PCDHAC1: variants seen among roughly 807,000 people sequenced by gnomAD.
The protein encoded by PCDHAC1 is protocadherin alpha subfamily C, 1.
In PCDHAC1, 42 loss-of-function variants were observed where a neutral mutation model predicts 60.0. That is an observed-to-expected ratio of 0.70 (90% CI 0.55 to 0.90). PCDHAC1 has a LOEUF of 0.90. Among genes scored for constraint, PCDHAC1 ranks in the 40% least tolerant of loss-of-function variants. The pLI is 0.00. For missense variants in PCDHAC1, 1,160 were observed against 1,222.3 expected, an observed-to-expected ratio of 0.95 and a Z score of 0.76; for synonymous variants, 468 against 499.3, an observed-to-expected ratio of 0.94 and a Z score of 0.84.
chr5:140,927,708 A>G lies in PCDHAC1; in HGVS notation c.816A>G (p.Leu272=). 1 of 1,614,202 alleles carries G rather than the reference A, an allele frequency of 6.2e-7. No homozygotes were observed. The highest frequency in any genetic ancestry group is 8.5e-7 in the Non-Finnish European group (1 of 1,180,024). The change falls in exon 1 of 4, where the codon CTA becomes CTG. Residue 272 remains leucine (L), a synonymous_variant. Transcript: ENST00000253807. ...EGSNGEVQYS[L]SNSTQAELRH... is the part of the protein sequence containing the mutation. ...CCAATGGGGAAGTCCAGTACTCCCT[A>G]AGCAACAGCACGCAAGCAGAGCTGC...
chr5:140,927,092 G>T lies in PCDHAC1; in HGVS notation c.200G>T (p.Gly67Val). The stretch of plus-strand genomic sequence containing the variant: ...TCCAGCCACCGCGAGCTCTACTTCG[G>T]GGTGGATCTACCCAGCGGCAATTTG... Reference protein sequence around the residue: ...FLSSHRELYFGVDLPSGNLVV... With the variant: ...FLSSHRELYFVVDLPSGNLVV... Residue 67 changes from glycine to valine, a missense_variant, in exon 1 of 4, where the codon GGG (glycine) becomes GTG (valine). This residue lies in a region of PCDHAC1 where 1,113 missense variants were observed against 1,163.7 expected (regional missense o/e 0.96). Coordinates refer to ENST00000253807, the MANE Select transcript of PCDHAC1 (RefSeq NM_018898.5). The T allele has an allele frequency of 6.2e-7, 1 of 1,612,746 alleles. No individual in the cohort carries two copies. The highest frequency in any genetic ancestry group is 8.5e-7 in the Non-Finnish European group (1 of 1,179,026).
rs149265547 is a variant in PCDHAC1 at position 140,927,771 on chromosome 5, G to T, written c.879G>T (p.Val293=). Residue 293 remains valine, a synonymous_variant, in exon 1 of 4, where the codon GTG becomes GTT. Coordinates refer to ENST00000253807, the MANE Select transcript of PCDHAC1 (RefSeq NM_018898.5). ...RFHVHPKSGE[V]QVAASLGPPE... Reference sequence around the variant, plus strand: ...ACGTGCACCCTAAAAGTGGGGAGGTGCAAGTAGCTGCTTCACTAGGTCCGC... The same window carrying T: ...ACGTGCACCCTAAAAGTGGGGAGGTTCAAGTAGCTGCTTCACTAGGTCCGC... The T allele has an allele frequency of 4.2e-4, 677 of 1,614,210 alleles. 4 individuals carry two copies. In the African/African-American group the frequency reaches 7.5e-3, roughly 18 times the overall value.
chr5:141,010,446 C>G lies in PCDHAC1; in HGVS notation c.*509C>G, dbSNP rs951181939. 39 of 944,590 alleles carry G rather than the reference C, an allele frequency of 4.1e-5. No homozygotes were observed. Among genetic ancestry groups the G allele is most frequent in the Non-Finnish European group, 5.6e-5 (37 of 656,282 alleles). The allele number at this position is 944,590 out of a possible 1,614,324, so 58.5% of individuals were successfully genotyped here. On this transcript the variant is annotated 3_prime_UTR_variant, in exon 4 of 4. Coordinates refer to ENST00000253807, the MANE Select transcript of PCDHAC1 (RefSeq NM_018898.5). ...AGGCAAGAAAACAAAGACAAATAAA[C>G]AGCGGAAGTTATCAGTATGGAGGGG...
intron 1 of PCDHAC1, among the ~76,000 whole-genome samples, chr5:140,962,688 G>C (rs1433931568): frequency 2.0e-5 from 3 of 152,164 alleles, no homozygotes; most frequent in African/African-American, 7.2e-5. Context: ...TGTTTTATCT[G>C]TAAATAATGC....
chr5:140,936,867 T>TA (rs1471990778), intron 1 of PCDHAC1, among the ~76,000 whole-genome samples: 5 of 152,214 alleles, frequency 3.3e-5, no homozygotes, highest in Admixed American at 2.6e-4. Context: ...GTTTCTATTT[T>TA]AAAAAACCCT....
intron 2 of PCDHAC1, among the ~76,000 whole-genome samples, chr5:140,979,943 T>A (rs2153820467): frequency 6.6e-6 from 1 of 152,364 alleles, no homozygotes; most frequent in Admixed American, 6.5e-5. Context: ...GTAGAGTTAA[T>A]GTGAAATTAG....
chr5:140,948,763 C>T (rs1195337502), intron 1 of PCDHAC1, among the ~76,000 whole-genome samples: 4 of 151,102 alleles, frequency 2.6e-5, no homozygotes, highest in Non-Finnish European at 4.4e-5. Flanking sequence ...TGATTTTTTT[C>T]GAATAGCCAG....
At chr5:140,948,727 T>C (rs2094298087) in intron 1 of PCDHAC1, among the ~76,000 whole-genome samples, 2 of 151,670 alleles carry the variant, frequency 1.3e-5, no homozygotes, top group Admixed American at 1.3e-4. Flanking sequence ...TATCAATAAG[T>C]CTAGCTGAGA....
intron 2 of PCDHAC1, among the ~76,000 whole-genome samples, chr5:140,981,353 C>A (rs551731316): frequency 6.6e-6 from 1 of 152,166 alleles, no homozygotes; most frequent in South Asian, 2.1e-4. Context: ...GCAGGTGGAT[C>A]ACTTGAGGTC....
intron 1 of PCDHAC1, chr5:140,968,917 T>G: frequency 6.2e-7 from 1 of 1,614,216 alleles, no homozygotes; most frequent in Non-Finnish European, 8.5e-7. Flanking sequence ...CAGTGTCTTT[T>G]ATATTTCTTT....
At chr5:140,968,288 C>A in intron 1 of PCDHAC1, 1 of 1,613,976 alleles carries the variant, frequency 6.2e-7, no homozygotes, top group Non-Finnish European at 8.5e-7. Context: ...GACCTACTCC[C>A]TTCTGGAGAG....
rs2091506714 is a variant in PCDHAC1, at chr5:140,937,376, G to C, written c.2433+8051G>C. Reference sequence around the variant, plus strand: ...TATTATTTTATCTTAATGTTTATGTGTGTGTATGTGTATATAGGGGTATTG... The same window carrying C: ...TATTATTTTATCTTAATGTTTATGTCTGTGTATGTGTATATAGGGGTATTG... On this transcript the variant is annotated intron_variant, in intron 1 of 3. Coordinates refer to ENST00000253807, the MANE Select transcript of PCDHAC1 (RefSeq NM_018898.5). Among the ~76,000 whole-genome samples, 4 of 152,084 alleles carry C rather than the reference G, an allele frequency of 2.6e-5. No homozygotes were observed. In the South Asian group the frequency reaches 8.3e-4, roughly 32 times the overall value.
intron 3 of PCDHAC1, among the ~76,000 whole-genome samples, chr5:140,997,321 T>C (rs964967011): frequency 1.3e-5 from 2 of 152,174 alleles, no homozygotes; most frequent in Non-Finnish European, 2.9e-5. Flanking sequence ...CTTTAGGCAG[T>C]TTTTTCGTTG....
chr5:140,973,741 G>C (rs925905924), intron 1 of PCDHAC1, among the ~76,000 whole-genome samples: 1 of 152,206 alleles, frequency 6.6e-6, no homozygotes, highest in Admixed American at 6.5e-5. Context: ...GTCTAACTCA[G>C]AACACTCTGC....
At chr5:140,990,284 T>C (rs2097384646) in intron 3 of PCDHAC1, among the ~76,000 whole-genome samples, 1 of 152,142 alleles carries the variant, frequency 6.6e-6, no homozygotes, top group African/African-American at 2.4e-5. Flanking sequence ...GGTCTTGAGA[T>C]TATCGATGCC....
In PCDHAC1 at chr5:140,997,052, G is replaced by A. The variant is rs1410360967; in HGVS notation, c.2582-12575G>A. On this transcript the variant is annotated intron_variant, in intron 3 of 3. Transcript: ENST00000253807. ...AAATTAATGAACTTTACTTTTTAGAGCAGTTTTAGGTTCACAGGAAAGTTG... is the reference window on the plus strand; with the variant it reads ...AAATTAATGAACTTTACTTTTTAGAACAGTTTTAGGTTCACAGGAAAGTTG... Among the ~76,000 whole-genome samples, 5 of 152,148 alleles carry A rather than the reference G, an allele frequency of 3.3e-5. No homozygotes were observed. The East Asian group carries it at 9.6e-4, about 29-fold the overall frequency.
At chr5:140,951,312 A>G (rs1316911878) in intron 1 of PCDHAC1, among the ~76,000 whole-genome samples, 1 of 152,146 alleles carries the variant, frequency 6.6e-6, no homozygotes, top group Non-Finnish European at 1.5e-5. Flanking sequence ...TTAATGTGTT[A>G]TTCTTGAGAT....
chr5:140,948,076 A>G (rs1554218436), intron 1 of PCDHAC1, among the ~76,000 whole-genome samples: 1 of 151,508 alleles, frequency 6.6e-6, no homozygotes, highest in Non-Finnish European at 1.5e-5. Flanking sequence ...ATTTTCTTTT[A>G]ATCTATTGAT....
chr5:141,002,047 C>A (rs1449885583), intron 3 of PCDHAC1, among the ~76,000 whole-genome samples: 2 of 152,202 alleles, frequency 1.3e-5, no homozygotes, highest in Non-Finnish European at 2.9e-5. Flanking sequence ...TCCTGGGCAT[C>A]CAGAGGCAGC....
Sources: gnomAD v4.1 joint callset for allele counts (sites outside exome capture counted in the v4.1 genomes callset) on GRCh38, gnomAD v4.1.1 for gene constraint, gnomAD v4.1.1 regional missense constraint, MANE v1.5 for transcripts, NCBI Gene and HGNC (gene_info 2026-07-23, HGNC 2026-07-21) for gene names.